SLC38A12: variants seen among roughly 807,000 people sequenced by gnomAD.
SLC38A12 encodes the protein putative sodium-coupled neutral amino acid transporter 12.
chr17:74,778,639 C>CTTT, the SLC38A12 span, among the ~76,000 whole-genome samples: 93 of 75,812 alleles, frequency 1.2e-3, 4 homozygotes, highest in Middle Eastern at 9.3e-3. Context: ...CAGGGGAAGT[C>CTTT]TTTTTTTTTT....
At chr17:74,827,103 G>A in the SLC38A12 span, among the ~76,000 whole-genome samples, 1 of 152,104 alleles carries the variant, frequency 6.6e-6, no homozygotes, top group African/African-American at 2.4e-5. This position sits in a 1 kb window ranked among gnomAD's most constrained non-coding sequence, Gnocchi z 4.7. Flanking sequence ...TGGAGCACAA[G>A]GGGAGCTAGA....
chr17:74,798,101 C>T, the SLC38A12 span, among the ~76,000 whole-genome samples: 1 of 152,200 alleles, frequency 6.6e-6, no homozygotes, highest in Admixed American at 6.5e-5. Flanking sequence ...AAAGCACCTC[C>T]CTACCCTGCA....
the SLC38A12 span, among the ~76,000 whole-genome samples, chr17:74,788,305 C>T: frequency 6.6e-6 from 1 of 152,236 alleles, no homozygotes; most frequent in Non-Finnish European, 1.5e-5. Flanking sequence ...TTCCAATTAT[C>T]CATGCCTGCG....
At chr17:74,785,781 T>C in the SLC38A12 span, 1 of 792,820 alleles carries the variant, frequency 1.3e-6, no homozygotes, top group Admixed American at 3.1e-5. Context: ...AGAGGCCTCC[T>C]GGTGGCTTGT....
chr17:74,835,972 G>C, the SLC38A12 span: 2 of 1,611,528 alleles, frequency 1.2e-6, no homozygotes, highest in South Asian at 2.2e-5. Flanking sequence ...ATCGGGCACG[G>C]ACAAGGGGAG....
the SLC38A12 span, among the ~76,000 whole-genome samples, chr17:74,780,073 C>T: frequency 2.6e-5 from 4 of 152,210 alleles, no homozygotes; most frequent in Admixed American, 2.6e-4. Context: ...ATACAGGATG[C>T]TGTAGGTCAC....
At chr17:74,800,527 G>C in the SLC38A12 span, among the ~76,000 whole-genome samples, 24,296 of 152,214 alleles carry the variant, frequency 0.16, 2,078 homozygotes, top group Non-Finnish European at 0.16. Flanking sequence ...GGTCAACGCT[G>C]CCTTCACTTG....
At chr17:74,802,258 C>T in the SLC38A12 span, among the ~76,000 whole-genome samples, 30 of 152,184 alleles carry the variant, frequency 2.0e-4, no homozygotes, top group Admixed American at 1.8e-3. Context: ...TCATGCCCCA[C>T]GACCTATGAC....
At chr17:74,779,894 C>G in the SLC38A12 span, among the ~76,000 whole-genome samples, 1 of 152,214 alleles carries the variant, frequency 6.6e-6, no homozygotes, top group South Asian at 2.1e-4. Context: ...AGCAGACGAA[C>G]CTCCTAGGTG....
the SLC38A12 span, among the ~76,000 whole-genome samples, chr17:74,810,572 G>T: frequency 6.6e-6 from 1 of 152,282 alleles, no homozygotes; most frequent in African/African-American, 2.4e-5. Context: ...ATTGGTGGGG[G>T]CAAGATTGGC....
the SLC38A12 span, among the ~76,000 whole-genome samples, chr17:74,802,887 G>A: frequency 6.6e-5 from 10 of 152,142 alleles, no homozygotes; most frequent in African/African-American, 1.2e-4. Context: ...GTTTACTCCC[G>A]GGCACGTGGG....
the SLC38A12 span, among the ~76,000 whole-genome samples, chr17:74,826,426 G>A: frequency 5.3e-5 from 8 of 152,346 alleles, no homozygotes; most frequent in Non-Finnish European, 7.3e-5. Flanking sequence ...CTCTTCTCCC[G>A]GGGTGAGGAG....
chr17:74,807,100 C>A, the SLC38A12 span, among the ~76,000 whole-genome samples: 1 of 151,894 alleles, frequency 6.6e-6, no homozygotes, highest in East Asian at 1.9e-4. Context: ...CTCTCTCCCC[C>A]AGACACCCCC....
the SLC38A12 span, among the ~76,000 whole-genome samples, chr17:74,819,249 C>G: frequency 2.0e-5 from 3 of 152,234 alleles, no homozygotes; most frequent in Non-Finnish European, 2.9e-5. Flanking sequence ...TCTCCAAGCC[C>G]GTCAGAAGAG....
At chr17:74,795,310 G>A in the SLC38A12 span, among the ~76,000 whole-genome samples, 8 of 152,160 alleles carry the variant, frequency 5.3e-5, no homozygotes, top group Admixed American at 5.2e-4. Context: ...CCCCTTCCCT[G>A]CCCCACTAGG....
the SLC38A12 span, among the ~76,000 whole-genome samples, chr17:74,791,628 C>T: frequency 2.0e-5 from 3 of 152,262 alleles, no homozygotes; most frequent in Non-Finnish European, 2.9e-5. Flanking sequence ...GCTATGCGCA[C>T]GCCTGGGCGT....
chr17:74,839,133 T>C, the SLC38A12 span: 139 of 1,528,076 alleles, frequency 9.1e-5, no homozygotes, highest in East Asian at 2.4e-3. Flanking sequence ...AGCTCCTGGC[T>C]GTTCCTCACC....
At chr17:74,834,461 G>C in the SLC38A12 span, among the ~76,000 whole-genome samples, 14 of 152,144 alleles carry the variant, frequency 9.2e-5, no homozygotes, top group Non-Finnish European at 4.4e-5. Context: ...GTGTCAGGCA[G>C]TTCTGATTAA....
At chr17:74,838,624 G>A in the SLC38A12 span, 1 of 1,348,342 alleles carries the variant, frequency 7.4e-7, no homozygotes, top group Non-Finnish European at 9.6e-7. Flanking sequence ...GATGCCAAGT[G>A]GGGACCCTCA....
Sources: allele counts gnomAD v4.1 joint callset (sites outside exome capture counted in the v4.1 genomes callset), GRCh38; gene constraint gnomAD v4.1.1; non-coding constraint Gnocchi (gnomAD v3.1); transcripts MANE v1.5; gene names NCBI Gene and HGNC (gene_info 2026-07-23, HGNC 2026-07-21).